The following FOLH1 variants were observed in gnomAD, a reference collection of about 807,000 sequenced individuals.
FOLH1 encodes folate hydrolase 1, also known as glutamate carboxypeptidase 2.
In FOLH1, 54 loss-of-function variants were observed where a neutral mutation model predicts 93.9. The observed-to-expected ratio is 0.57, with a 90% confidence interval of 0.46 to 0.72. FOLH1 has a LOEUF of 0.72. Ranked by LOEUF, FOLH1 falls within the 30% of genes least tolerant of loss-of-function variation. The pLI, the probability that FOLH1 is intolerant of heterozygous loss-of-function variation, is 0.00. For missense variants in FOLH1, 571 were observed against 892.5 expected, an observed-to-expected ratio of 0.64 and a Z score of 4.59; for synonymous variants, 249 against 303.6, an observed-to-expected ratio of 0.82 and a Z score of 1.87.
intron 6 of FOLH1, 88 bp from the exon 7 acceptor site, chr11:49,183,330 C>T: frequency 3.0e-6 from 3 of 985,356 alleles, no homozygotes; most frequent in Non-Finnish European, 4.5e-6. Flanking sequence ...ATTCTAATTT[C>T]ACATTTGCTA....
chr11:49,208,283 C>T lies in FOLH1; in HGVS notation c.118+9G>A, dbSNP rs947380424. Reference sequence around the variant, plus strand: ...ACTCCGAGGTTTGCTCCGCGAGGCGCCCCCCTACCGAAGAGGAAGCCGAGG... The same window carrying T: ...ACTCCGAGGTTTGCTCCGCGAGGCGTCCCCCTACCGAAGAGGAAGCCGAGG... On this transcript the variant is annotated intron_variant, in intron 1 of 18. Transcript: ENST00000256999. 3.9e-6 allele frequency: 6 copies of T among 1,532,008 alleles called. No individual in the cohort carries two copies. Among genetic ancestry groups the T allele is most frequent in the Middle Eastern group, 1.9e-4 (1 of 5,188 alleles). 94.9% of individuals were successfully genotyped at this position (1,532,008 alleles called of 1,614,324 possible).
chr11:49,158,205 G>C (rs1003795529), intron 13 of FOLH1, among the ~76,000 whole-genome samples, 162 bp from the exon 14 acceptor site: 2 of 152,032 alleles, frequency 1.3e-5, no homozygotes, highest in Admixed American at 1.3e-4. Context: ...TCTGACAAGT[G>C]GGAAAATACT....
chr11:49,208,227 C>G, intron 1 of FOLH1, 65 bp downstream of exon 1: 2 of 1,205,358 alleles, frequency 1.7e-6, no homozygotes, highest in Non-Finnish European at 2.3e-6. Context: ...AGCTGACCCG[C>G]GAGTCCCAGC....
intron 12 of FOLH1, among the ~76,000 whole-genome samples, chr11:49,166,289 A>G (rs1858399833): frequency 6.6e-6 from 1 of 152,236 alleles, no homozygotes; most frequent in African/African-American, 2.4e-5. Context: ...TGTAGTGGTT[A>G]GAGGGGTAAA....
At chr11:49,186,547 T>G (rs1861405951) in intron 5 of FOLH1, 97 bp downstream of exon 5, 2 of 1,335,646 alleles carry the variant, frequency 1.5e-6, no homozygotes, top group Non-Finnish European at 2.0e-6. Flanking sequence ...AAAATAATGG[T>G]ATTCATAAAG....
rs1484445512 is a variant in FOLH1 at position 49,200,393 on chromosome 11, C to T, written c.273G>A (p.Gln91=). 1.9e-6 allele frequency: 3 copies of T among 1,613,398 alleles called. No individual in the cohort carries two copies. Among genetic ancestry groups the T allele is most frequent in the Non-Finnish European group, 2.5e-6 (3 of 1,179,662 alleles). Residue 91 remains glutamine, a synonymous_variant, in exon 3 of 19, where the codon CAG becomes CAA. Coordinates refer to ENST00000256999, the MANE Select transcript of FOLH1 (RefSeq NM_004476.3). ...PHLAGTEQNF[Q]LAKQIQSQWK... is the part of the protein sequence containing the mutation. ...ACTGGGATTGAATTTGCTTTGCAAGCTGAAAGTTTTGTTCTGTTCCTGCTA... is the reference window on the plus strand; with the variant it reads ...ACTGGGATTGAATTTGCTTTGCAAGTTGAAAGTTTTGTTCTGTTCCTGCTA...
chr11:49,183,887 A>G (rs1462025670), intron 6 of FOLH1, among the ~76,000 whole-genome samples: 1 of 152,128 alleles, frequency 6.6e-6, no homozygotes, highest in Non-Finnish European at 1.5e-5. Flanking sequence ...AGGGGTACAA[A>G]AGAACTTTCC....
rs927501389 is a variant in FOLH1, at chr11:49,206,822, A to C, written c.119-650T>G. ...CCCAGTGCACGCATAGGCGGCCAGA[A>C]ACAATGGATAGCTAGATCCTGCAGT... On this transcript the variant is annotated intron_variant, in intron 1 of 18. Coordinates refer to ENST00000256999, the MANE Select transcript of FOLH1 (RefSeq NM_004476.3). 5 of 1,532,042 alleles carry C rather than the reference A, an allele frequency of 3.3e-6. No individual in the cohort carries two copies. The African/African-American group carries it at 6.9e-5, about 21-fold the overall frequency. 94.9% of individuals were successfully genotyped at this position (1,532,042 alleles called of 1,614,324 possible). A position where few individuals can be genotyped will look rare whatever the true frequency, so the allele number is the denominator to read the frequency against.
intron 17 of FOLH1, among the ~76,000 whole-genome samples, chr11:49,152,591 A>G (rs551401216): frequency 5.3e-5 from 8 of 152,160 alleles, no homozygotes; most frequent in Non-Finnish European, 8.8e-5. Context: ...CAACATTTGT[A>G]AAATTATTTG....
rs1861501681 is a variant in FOLH1 at position 49,187,196 on chromosome 11, G to C, written c.514-427C>G. The stretch of plus-strand genomic sequence containing the variant: ...CTTAATGGTTCTTAACAACCACCAA[G>C]TAAAGAAAAATGCACAGGTAACATC... On this transcript the variant is annotated intron_variant, in intron 4 of 18. Coordinates refer to ENST00000256999, the MANE Select transcript of FOLH1 (RefSeq NM_004476.3). 2.0e-5 allele frequency among the ~76,000 whole-genome samples: 3 copies of C among 152,126 alleles called. No individual in the cohort carries two copies. The South Asian group carries it at 6.2e-4, about 31-fold the overall frequency.
chr11:49,195,675 GA>G (rs60767291), intron 3 of FOLH1, among the ~76,000 whole-genome samples: 27,560 of 150,156 alleles, frequency 0.18, 2,942 homozygotes, highest in African/African-American at 0.29. Flanking sequence ...AGAGCAATAA[GA>G]AAAAAAAATA....
Position 49,200,562 on chromosome 11 carries a change from A to T in FOLH1, c.225-121T>A, listed in dbSNP as rs1162099105. The T allele has an allele frequency of 4.7e-6, 5 of 1,054,788 alleles. No homozygotes were observed. In the Admixed American group the frequency reaches 1.4e-4, roughly 29 times the overall value. The allele number at this position is 1,054,788 out of a possible 1,614,324, so 65.3% of individuals were successfully genotyped here. A position where few individuals can be genotyped will look rare whatever the true frequency, so the allele number is the denominator to read the frequency against. On this transcript the variant is annotated intron_variant, in intron 2 of 18. Coordinates refer to ENST00000256999, the MANE Select transcript of FOLH1 (RefSeq NM_004476.3). ...GAAGTGTGATACGTTAAAAAATTAA[A>T]GTGGTAGTATTATTGCATGAAATAG...
intron 13 of FOLH1, among the ~76,000 whole-genome samples, chr11:49,160,041 C>G (rs1177927521): frequency 6.6e-6 from 1 of 151,658 alleles, no homozygotes; most frequent in South Asian, 2.1e-4. Context: ...GCCTCCCGAG[C>G]AGCTGGGATT....
chr11:49,178,569 A>G (rs1435487035), intron 7 of FOLH1, among the ~76,000 whole-genome samples: 14 of 152,186 alleles, frequency 9.2e-5, no homozygotes, highest in Admixed American at 9.2e-4. Context: ...AAAATAATGC[A>G]CATACATGGA....
At chr11:49,170,472 A>C (rs1293148942) in intron 11 of FOLH1, among the ~76,000 whole-genome samples, 1 of 152,114 alleles carries the variant, frequency 6.6e-6, no homozygotes, top group Non-Finnish European at 1.5e-5. Flanking sequence ...AAAATTAGCC[A>C]GGTGTGGTGG....
intron 3 of FOLH1, 98 bp from the exon 4 acceptor site, chr11:49,192,992 A>G: frequency 1.0e-6 from 1 of 975,976 alleles, no homozygotes; most frequent in Non-Finnish European, 1.4e-6. Flanking sequence ...ATGTCAGTAG[A>G]GGGTGAATGA....
intron 1 of FOLH1, 46 bp downstream of exon 1, chr11:49,208,232 CCCAGCACCGCGGCA>C: frequency 8.0e-7 from 1 of 1,254,502 alleles, no homozygotes; most frequent in Non-Finnish European, 1.1e-6. Flanking sequence ...ACCCGCGAGT[CCCAGCACCGCGGCA>C]CCACGGGGAA....
At chr11:49,169,384 A>C in intron 11 of FOLH1, 126 bp from the exon 12 acceptor site, 1 of 798,726 alleles carries the variant, frequency 1.3e-6, no homozygotes. Flanking sequence ...GACAAATTTG[A>C]CATAAGAAAT....
chr11:49,196,125 G>A (rs1415075423), intron 3 of FOLH1, among the ~76,000 whole-genome samples: 1 of 152,122 alleles, frequency 6.6e-6, no homozygotes, highest in Non-Finnish European at 1.5e-5. Context: ...TTACACTCCA[G>A]CCTGGGTGAC....
Sources: gnomAD v4.1 joint callset for allele counts (sites outside exome capture counted in the v4.1 genomes callset) on GRCh38, gnomAD v4.1.1 for gene constraint, MANE v1.5 for transcripts, NCBI Gene and HGNC (gene_info 2026-07-23, HGNC 2026-07-21) for gene names.